The following PCDH9 variants were observed in gnomAD, a reference collection of about 807,000 sequenced individuals.
The protein encoded by PCDH9 is protocadherin-9.
A neutral mutation model predicts 70.6 loss-of-function variants in PCDH9; 24 were observed. That is an observed-to-expected ratio of 0.34 (90% CI 0.25 to 0.48). PCDH9 has a LOEUF of 0.48. Among genes scored for constraint, PCDH9 ranks in the 20% least tolerant of loss-of-function variants. PCDH9 has a pLI of 0.99. For synonymous variants in PCDH9, 562 were observed against 558.5 expected, an observed-to-expected ratio of 1.01 and a Z score of -0.09; for missense variants, 1,281 against 1,503.6, an observed-to-expected ratio of 0.85 and a Z score of 2.45.
At chr13:66,874,582 T>C (rs1425138026) in intron 3 of PCDH9, among the ~76,000 whole-genome samples, 3 of 152,094 alleles carry the variant, frequency 2.0e-5, no homozygotes, top group Non-Finnish European at 4.4e-5. Flanking sequence ...TCCTTTCTCT[T>C]GACATAGCTT....
chr13:66,893,951 T>G (rs767570157), intron 3 of PCDH9, among the ~76,000 whole-genome samples: 1 of 152,148 alleles, frequency 6.6e-6, no homozygotes, highest in Non-Finnish European at 1.5e-5. Flanking sequence ...TCATTTAAAC[T>G]GTGTCTTTAG....
At chr13:67,074,128 A>G (rs896944475) in intron 2 of PCDH9, among the ~76,000 whole-genome samples, 2 of 150,216 alleles carry the variant, frequency 1.3e-5, no homozygotes, top group Admixed American at 6.6e-5. Flanking sequence ...CTATCTGTCT[A>G]TCTATCTATC....
At chr13:66,359,767 A>G (rs1243366054) in intron 4 of PCDH9, among the ~76,000 whole-genome samples, 1 of 152,088 alleles carries the variant, frequency 6.6e-6, no homozygotes, top group Non-Finnish European at 1.5e-5. Context: ...GGCCGTCTTT[A>G]GAAATTATTT....
chr13:66,901,862 G>A (rs1238616979), intron 3 of PCDH9, among the ~76,000 whole-genome samples: 1 of 151,664 alleles, frequency 6.6e-6, no homozygotes, highest in Non-Finnish European at 1.5e-5. Context: ...GAGGAATATG[G>A]TTTCTGAGGA....
At chr13:66,338,562 T>C (rs534848214) in intron 4 of PCDH9, among the ~76,000 whole-genome samples, 14 of 152,160 alleles carry the variant, frequency 9.2e-5, no homozygotes, top group Non-Finnish European at 1.8e-4. Context: ...AGAGAATATC[T>C]ATTTTTAAGA....
At chr13:66,395,283 G>T (rs1434636983) in intron 4 of PCDH9, among the ~76,000 whole-genome samples, 1 of 152,118 alleles carries the variant, frequency 6.6e-6, no homozygotes, top group Admixed American at 6.5e-5. Flanking sequence ...CTTGAAGAGT[G>T]ACTTTATAAC....
intron 4 of PCDH9, among the ~76,000 whole-genome samples, chr13:66,422,857 A>G (rs994021001): frequency 2.0e-5 from 3 of 152,132 alleles, no homozygotes; most frequent in African/African-American, 7.2e-5. Context: ...AAAAATATCA[A>G]TGAATCCAGG....
intron 4 of PCDH9, among the ~76,000 whole-genome samples, chr13:66,616,465 G>A (rs936809345): frequency 1.2e-4 from 16 of 129,652 alleles, no homozygotes; most frequent in African/African-American, 3.4e-4. Flanking sequence ...TCATACATTC[G>A]TCATTAAATT....
At chr13:66,744,983 G>A (rs912191) in intron 3 of PCDH9, among the ~76,000 whole-genome samples, 74,523 of 151,908 alleles carry the variant, frequency 0.49, 20,421 homozygotes, top group Non-Finnish European at 0.63. Context: ...AAATGAGCAC[G>A]TAATGCAGGA....
chr13:66,855,582 GAGCTATTATTCC>G (rs1412242256), intron 3 of PCDH9, among the ~76,000 whole-genome samples: 3 of 151,850 alleles, frequency 2.0e-5, no homozygotes, highest in Non-Finnish European at 4.4e-5. Context: ...TACATATATT[GAGCTATTATTCC>G]AGACACTATG....
At chr13:66,998,992 C>T (rs946038715) in intron 2 of PCDH9, among the ~76,000 whole-genome samples, 3 of 152,228 alleles carry the variant, frequency 2.0e-5, no homozygotes, top group Non-Finnish European at 2.9e-5. Flanking sequence ...ACCATAAATT[C>T]CTTTGAAATG....
intron 4 of PCDH9, among the ~76,000 whole-genome samples, chr13:66,378,496 G>A (rs1489641580): frequency 6.6e-6 from 1 of 152,088 alleles, no homozygotes; most frequent in South Asian, 2.1e-4. Context: ...GAAAGTCATC[G>A]TAAAGACTGC....
Position 67,226,109 on chromosome 13 carries a change from C to A in PCDH9, c.2332G>T (p.Ala778Ser), listed in dbSNP as rs768366733. ...TCATAGATATAGGAGGCATTTCCAG[C>A]AGTGTCGTTAACATAAAGGAATACA... is the stretch of plus-strand genomic sequence containing the variant. ...VLVFLYVNDT[A>S]GNASYIYDLI... Residue 778 changes from alanine to serine, a missense_variant, in exon 2 of 5, where the codon GCT becomes TCT. Around this residue, in one of 4 missense-constraint regions of PCDH9, gnomAD observed 798 missense variants for 1,003.1 expected, o/e 0.80. Transcript: ENST00000377865. This position sits in a 1 kb window ranked among gnomAD's most constrained non-coding sequence, Gnocchi z 5.0. 3 of 1,614,120 alleles carry A rather than the reference C, an allele frequency of 1.9e-6. No individual in the cohort carries two copies. In the Admixed American group the frequency reaches 5.0e-5, roughly 27 times the overall value.
intron 4 of PCDH9, among the ~76,000 whole-genome samples, chr13:66,311,366 C>CTGTG (rs71803849): frequency 2.4e-3 from 318 of 132,826 alleles, no homozygotes; most frequent in African/African-American, 8.3e-3. Flanking sequence ...CTCTCTCTCT[C>CTGTG]TGTGTGTGTG....
chr13:66,854,437 T>C (rs563057351), intron 3 of PCDH9, among the ~76,000 whole-genome samples: 4 of 152,306 alleles, frequency 2.6e-5, no homozygotes, highest in African/African-American at 7.2e-5. Context: ...TGAATGTATA[T>C]ACTTGCTAAA....
chr13:66,364,656 A>G (rs903743399), intron 4 of PCDH9, among the ~76,000 whole-genome samples: 2 of 152,228 alleles, frequency 1.3e-5, no homozygotes, highest in Non-Finnish European at 2.9e-5. Context: ...GTGTACACAG[A>G]AAATGGAATG....
chr13:67,225,272 G>A (rs2089826770), intron 2 of PCDH9, 133 bp downstream of exon 2: 3 of 1,277,546 alleles, frequency 2.3e-6, no homozygotes, highest in Non-Finnish European at 3.2e-6. Flanking sequence ...AATAGAAAAG[G>A]GGTCAAGTTT....
chr13:66,358,174 A>G (rs1458896098), intron 4 of PCDH9, among the ~76,000 whole-genome samples: 1 of 152,026 alleles, frequency 6.6e-6, no homozygotes, highest in African/African-American at 2.4e-5. Flanking sequence ...CTTTAAAACA[A>G]TATGCAGTAA....
intron 4 of PCDH9, among the ~76,000 whole-genome samples, chr13:66,494,342 A>G (rs1214397880): frequency 6.6e-6 from 1 of 152,198 alleles, no homozygotes; most frequent in Non-Finnish European, 1.5e-5. Context: ...ATTCTACCAC[A>G]GCATGAAATA....
Sources: allele counts gnomAD v4.1 joint callset (sites outside exome capture counted in the v4.1 genomes callset), GRCh38; gene constraint gnomAD v4.1.1; regional missense constraint gnomAD v4.1.1; non-coding constraint Gnocchi (gnomAD v3.1); transcripts MANE v1.5; gene names NCBI Gene and HGNC (gene_info 2026-07-23, HGNC 2026-07-21).